Variants in CADM2 observed in about 807,000 individuals in gnomAD.
CADM2 encodes the protein cell adhesion molecule 2, also known as immunoglobulin superfamily member 4D.
A neutral mutation model predicts 49.8 loss-of-function variants in CADM2; 12 were observed. The observed-to-expected ratio is 0.24, with a 90% CI of 0.15 to 0.39. CADM2 has a LOEUF of 0.39. CADM2 is among the 10% of genes least tolerant of loss of function. The pLI is 1.00. For synonymous variants in CADM2, 214 were observed against 175.4 expected (o/e 1.22, Z -1.74); for missense variants, 378 against 492.3 (o/e 0.77, Z 2.20).
chr3:86,001,717 A>G (rs573590004), intron 8 of CADM2, among the ~76,000 whole-genome samples: 1 of 152,168 alleles, frequency 6.6e-6, no homozygotes, highest in Non-Finnish European at 1.5e-5. Context: ...CTGCAGTAGG[A>G]AACTAGGTGA....
At chr3:85,209,959 A>C (rs1031887765) in intron 1 of CADM2, among the ~76,000 whole-genome samples, 1 of 152,228 alleles carries the variant, frequency 6.6e-6, no homozygotes. Flanking sequence ...TTGATGATTT[A>C]AATACATTTA....
intron 1 of CADM2, among the ~76,000 whole-genome samples, chr3:85,324,297 A>C (rs1197992371): frequency 6.6e-6 from 1 of 152,198 alleles, no homozygotes; most frequent in Non-Finnish European, 1.5e-5. Flanking sequence ...AAAATGTTTA[A>C]ATCATTTGTG....
intron 1 of CADM2, among the ~76,000 whole-genome samples, chr3:85,284,196 T>G (rs942192262): frequency 6.6e-6 from 1 of 152,150 alleles, no homozygotes. Context: ...TGTTGTCCTT[T>G]GAAAAGTTAG....
chr3:85,184,151 A>G (rs1057450609), intron 1 of CADM2, among the ~76,000 whole-genome samples: 1 of 152,140 alleles, frequency 6.6e-6, no homozygotes, highest in African/African-American at 2.4e-5. Flanking sequence ...CAAACACAGC[A>G]TGGAAGTTGA....
intron 1 of CADM2, among the ~76,000 whole-genome samples, chr3:85,254,109 C>A (rs916736220): frequency 6.6e-6 from 1 of 152,042 alleles, no homozygotes; most frequent in African/African-American, 2.4e-5. Context: ...TTCTTATAAC[C>A]CTTTCACTGG....
At chr3:85,793,190 A>AT (rs970402527) in intron 2 of CADM2, among the ~76,000 whole-genome samples, 1 of 152,170 alleles carries the variant, frequency 6.6e-6, no homozygotes, top group Non-Finnish European at 1.5e-5. Flanking sequence ...CAGGAGAGTT[A>AT]TTTTTTCAGG....
At chr3:85,877,125 G>A (rs895708046) in intron 3 of CADM2, among the ~76,000 whole-genome samples, 1 of 152,036 alleles carries the variant, frequency 6.6e-6, no homozygotes, top group Non-Finnish European at 1.5e-5. Context: ...TTACCCCACC[G>A]GTGGGTAGCA....
chr3:85,635,198 A>G (rs2064431421), intron 1 of CADM2, among the ~76,000 whole-genome samples: 1 of 152,086 alleles, frequency 6.6e-6, no homozygotes, highest in South Asian at 2.1e-4. Flanking sequence ...ATCTCATGAA[A>G]ATGGTAAGGA....
At chr3:85,778,587 C>A (rs1196912873) in intron 2 of CADM2, among the ~76,000 whole-genome samples, 1 of 152,112 alleles carries the variant, frequency 6.6e-6, no homozygotes, top group Admixed American at 6.6e-5. Context: ...TGCCTTCCAC[C>A]ATGATTGTAA....
chr3:85,029,120 T>C (rs1032059270), intron 1 of CADM2, among the ~76,000 whole-genome samples: 4 of 151,972 alleles, frequency 2.6e-5, no homozygotes, highest in African/African-American at 4.8e-5. Flanking sequence ...TACTTAAATT[T>C]TATTTCTATT....
chr3:85,621,397 A>G (rs1559948257), intron 1 of CADM2, among the ~76,000 whole-genome samples: 1 of 152,188 alleles, frequency 6.6e-6, no homozygotes, highest in Non-Finnish European at 1.5e-5. Flanking sequence ...AATTCTACAG[A>G]CACGTCATAT....
intron 1 of CADM2, among the ~76,000 whole-genome samples, chr3:85,709,185 C>T (rs532281713): frequency 5.9e-5 from 9 of 152,166 alleles, no homozygotes; most frequent in East Asian, 1.9e-4. Flanking sequence ...AAGTTGAAAA[C>T]GTCACCAATG....
intron 6 of CADM2, among the ~76,000 whole-genome samples, chr3:85,934,670 A>G (rs1250022284): frequency 1.3e-5 from 2 of 152,100 alleles, no homozygotes; most frequent in Non-Finnish European, 2.9e-5. Context: ...TTTATACTTT[A>G]TTATTCTATA....
chr3:85,445,578 C>T (rs1419448742), intron 1 of CADM2, among the ~76,000 whole-genome samples: 1 of 151,956 alleles, frequency 6.6e-6, no homozygotes, highest in East Asian at 1.9e-4. Context: ...CAGGAACTTG[C>T]ATTATTTATC....
chr3:85,360,826 G>T (rs2107277955), intron 1 of CADM2, among the ~76,000 whole-genome samples: 1 of 152,178 alleles, frequency 6.6e-6, no homozygotes, highest in South Asian at 2.1e-4. Flanking sequence ...TGTTTCCTCA[G>T]TACCGTTGTG....
intron 7 of CADM2, among the ~76,000 whole-genome samples, chr3:85,941,451 T>A (rs1721892893): frequency 1.3e-5 from 2 of 152,072 alleles, no homozygotes; most frequent in Admixed American, 6.6e-5. Context: ...ATGGCAAAAC[T>A]GATACAGCAA....
At chr3:85,071,532 TC>T (rs2036744504) in intron 1 of CADM2, among the ~76,000 whole-genome samples, 1 of 152,146 alleles carries the variant, frequency 6.6e-6, no homozygotes, top group Non-Finnish European at 1.5e-5. Flanking sequence ...CTCTATATTC[TC>T]TTCAAAAAAT....
intron 1 of CADM2, among the ~76,000 whole-genome samples, chr3:84,969,395 G>A (rs897302456): frequency 1.3e-5 from 2 of 151,780 alleles, no homozygotes; most frequent in Non-Finnish European, 2.9e-5. Context: ...AAGCATTTAT[G>A]TGTTCTTATT....
At chr3:85,257,825 A>C (rs1576225704) in intron 1 of CADM2, among the ~76,000 whole-genome samples, 1 of 152,224 alleles carries the variant, frequency 6.6e-6, no homozygotes, top group South Asian at 2.1e-4. Context: ...TATTTAATTT[A>C]AATATGTAGT....
Sources: allele counts gnomAD v4.1 joint callset (sites outside exome capture counted in the v4.1 genomes callset), GRCh38; gene constraint gnomAD v4.1.1; transcripts MANE v1.5; gene names NCBI Gene and HGNC (gene_info 2026-07-23, HGNC 2026-07-21).